The following XDH variants were observed in gnomAD, a reference collection of about 807,000 sequenced individuals.
The protein encoded by XDH is xanthine dehydrogenase/oxidase.
XDH carries 138 observed loss-of-function variants against 156.1 expected under a neutral mutation model. The ratio of observed to expected loss-of-function variants is 0.88; its 90% CI spans 0.77 to 1.02. The LOEUF is 1.02. XDH is among the 50% of genes least tolerant of loss of function. XDH has a pLI of 0.00. For synonymous variants in XDH, 669 were observed against 625.7 expected (o/e 1.07, Z -1.03); for missense variants, 1,849 against 1,684.9 (o/e 1.10, Z -1.71).
chr2:31,395,538 A>AGCCC (rs1686879635), intron 6 of XDH, among the ~76,000 whole-genome samples: 2 of 152,220 alleles, frequency 1.3e-5, no homozygotes, highest in African/African-American at 4.8e-5. Flanking sequence ...TTTTTCTCCA[A>AGCCC]CATTTACTGT....
chr2:31,384,637 G>A (rs1465259235), intron 9 of XDH, among the ~76,000 whole-genome samples: 1 of 152,110 alleles, frequency 6.6e-6, no homozygotes, highest in Non-Finnish European at 1.5e-5. Context: ...GTGTATAGAT[G>A]GAAAAGGTTA....
chr2:31,342,058 C>A, intron 32 of XDH, 125 bp downstream of exon 32: 1 of 867,488 alleles, frequency 1.2e-6, no homozygotes, highest in Admixed American at 2.0e-5. Flanking sequence ...AGGATGTTTG[C>A]CTATCCTTAA....
At chr2:31,337,296 C>T (rs1476273387) in intron 35 of XDH, among the ~76,000 whole-genome samples, 1 of 151,966 alleles carries the variant, frequency 6.6e-6, no homozygotes, top group Non-Finnish European at 1.5e-5. Context: ...AAAAAAAATG[C>T]TAGCGACTGA....
chr2:31,370,581 T>A lies in XDH; in HGVS notation c.1857-103A>T. On this transcript the variant is annotated intron_variant, in intron 17 of 35. Transcript: ENST00000379416. ...TCTTATTTTGATTGGCTTGGCTCCA[T>A]CCTAATTCCTCGATTCTCTGCTTCT... 4 of 1,438,470 alleles carry A rather than the reference T, an allele frequency of 2.8e-6. No homozygotes were observed. The South Asian group carries it at 3.7e-5, about 13-fold the overall frequency. The allele number at this position is 1,438,470 out of a possible 1,614,324, so 89.1% of individuals were successfully genotyped here.
intron 6 of XDH, chr2:31,389,591 C>T (rs1686707748): frequency 6.6e-6 from 1 of 152,216 alleles, no homozygotes; most frequent in South Asian, 2.1e-4. Context: ...CTGCATCCCA[C>T]TCACCTGGCC....
chr2:31,367,782 G>C (rs576553829), intron 20 of XDH, among the ~76,000 whole-genome samples, 179 bp downstream of exon 20: 1 of 152,266 alleles, frequency 6.6e-6, no homozygotes, highest in Non-Finnish European at 1.5e-5. Context: ...TAGAGATTAA[G>C]ATAACTGAAG....
Position 31,342,313 on chromosome 2 carries a change from G to A in XDH, c.3405-16C>T. 6.2e-7 allele frequency: 1 copy of A among 1,603,592 alleles called. No individual in the cohort carries two copies. The highest frequency in any genetic ancestry group is 8.5e-7 in the Non-Finnish European group (1 of 1,171,038). ...ATTGGGTGTTCTGGGAGAGGAAAGA[G>A]AAGGTACTGCACATGTATTAACATG... On this transcript the variant is annotated splice_polypyrimidine_tract_variant and intron_variant, in intron 31 of 35. Transcript: ENST00000379416.
Position 31,375,473 on chromosome 2 carries a change from G to C in XDH, c.1509C>G (p.Gly503=), listed in dbSNP as rs45612839. 0.011 allele frequency: 18,259 copies of C among 1,614,088 alleles called. 1,687 individuals are homozygous for C. The African/African-American group carries it at 0.21, about 18-fold the overall frequency. Reference sequence around the variant, plus strand: ...TGAGGGTGCACCGGAAGTCCACCATGCCACCAGGGGCATCGGGAGGCAGAT... The same window carrying C: ...TGAGGGTGCACCGGAAGTCCACCATCCCACCAGGGGCATCGGGAGGCAGAT... The part of the protein sequence containing the change: ...ELHLPPDAPG[G]MVDFRCTLTL... The change falls in exon 15 of 36, where the codon GGC becomes GGG. Residue 503 remains glycine, a synonymous_variant. Coordinates refer to ENST00000379416, the MANE Select transcript of XDH (RefSeq NM_000379.4).
chr2:31,398,393 G>GAGTTCT (rs1394242792), intron 5 of XDH, among the ~76,000 whole-genome samples, 180 bp downstream of exon 5: 1 of 152,178 alleles, frequency 6.6e-6, no homozygotes, highest in Admixed American at 6.5e-5. Context: ...CACCAACCAG[G>GAGTTCT]AGTTCTCCCA....
Position 31,372,270 on chromosome 2 carries a change from G to C in XDH, c.1814C>G (p.Ser605Cys). The C allele has an allele frequency of 6.2e-7, 1 of 1,614,252 alleles. No homozygotes were observed. Among genetic ancestry groups the C allele is most frequent in the Non-Finnish European group, 8.5e-7 (1 of 1,180,046 alleles). ...DDIPRYENEL[S>C]LRLVTSTRAH... Reference sequence around the variant, plus strand: ...CCGGGTGCTGGTGACCAGCCGGAGAGACAGCTCATTCTCGTAGCGAGGAAT... The same window carrying C: ...CCGGGTGCTGGTGACCAGCCGGAGACACAGCTCATTCTCGTAGCGAGGAAT... Residue 605 changes from serine (S) to cysteine (C), a missense_variant, in exon 17 of 36, where the codon TCT (serine) becomes TGT (cysteine). Transcript: ENST00000379416.
chr2:31,410,787 A>G (rs919530096), intron 1 of XDH, among the ~76,000 whole-genome samples: 44 of 152,224 alleles, frequency 2.9e-4, no homozygotes, highest in African/African-American at 9.9e-4. Flanking sequence ...ATGTCATGAA[A>G]GGAAAGCTGA....
chr2:31,398,437 G>A, intron 5 of XDH, 136 bp downstream of exon 5: 1 of 1,516,708 alleles, frequency 6.6e-7, no homozygotes, highest in Non-Finnish European at 9.0e-7. Flanking sequence ...GCAGATCTTA[G>A]TCACCACCTT....
chr2:31,381,472 G>A (rs373532079), intron 12 of XDH, among the ~76,000 whole-genome samples, 161 bp downstream of exon 12: 10 of 152,114 alleles, frequency 6.6e-5, no homozygotes, highest in Admixed American at 4.6e-4. Flanking sequence ...CAGCTTTCCC[G>A]TCCACCAAAC....
rs186934450 is a variant in XDH, at chr2:31,372,729, G to A, written c.1687-332C>T. Reference sequence around the variant, plus strand: ...TTGAAGAACTTTAATTAGAAGGATTGTTCATGCAAGCATAAAAACGTGACG... The same window carrying A: ...TTGAAGAACTTTAATTAGAAGGATTATTCATGCAAGCATAAAAACGTGACG... On this transcript the variant is annotated intron_variant, in intron 16 of 35. Transcript: ENST00000379416. Among the ~76,000 whole-genome samples the A allele has an allele frequency of 1.3e-3, 195 of 152,272 alleles. 1 individual carries two copies. Among genetic ancestry groups the A allele is most frequent in the Non-Finnish European group, 3.1e-4 (21 of 68,020 alleles).
In XDH at chr2:31,348,917, T is replaced by G. The variant is rs759232074; in HGVS notation, c.3033A>C (p.Thr1011=). The G allele has an allele frequency of 1.2e-6, 2 of 1,613,408 alleles. No homozygotes were observed. The highest frequency in any genetic ancestry group is 3.3e-5 in the Admixed American group (2 of 60,032). ...CAATTACCTGATTCAGAAAAGGAAC[T>G]GTAAAGCTTATTCCAAACTTGGTGG... ...IIPTKFGISF[T]VPFLNQAGAL... Residue 1011 remains threonine (T), a synonymous_variant, in exon 27 of 36, where the codon ACA becomes ACC. Coordinates refer to ENST00000379416, the MANE Select transcript of XDH (RefSeq NM_000379.4).
chr2:31,338,582 C>G (rs1044061209), intron 34 of XDH, among the ~76,000 whole-genome samples: 1 of 152,130 alleles, frequency 6.6e-6, no homozygotes, highest in African/African-American at 2.4e-5. Flanking sequence ...CTTTGGTTAC[C>G]AAGGATTAGT....
chr2:31,358,603 T>TA (rs571810864), intron 24 of XDH, among the ~76,000 whole-genome samples: 1 of 152,072 alleles, frequency 6.6e-6, no homozygotes, highest in South Asian at 2.1e-4. Context: ...GTTCAGTGTT[T>TA]AAAAAAATCA....
intron 3 of XDH, among the ~76,000 whole-genome samples, chr2:31,402,816 T>C (rs1355078677): frequency 6.6e-6 from 1 of 152,190 alleles, no homozygotes; most frequent in Non-Finnish European, 1.5e-5. Flanking sequence ...GATATAAATG[T>C]GGATTTTAGA....
chr2:31,373,093 A>G (rs1278092732), intron 16 of XDH, among the ~76,000 whole-genome samples: 1 of 152,228 alleles, frequency 6.6e-6, no homozygotes, highest in Non-Finnish European at 1.5e-5. Flanking sequence ...AACACATTTA[A>G]TCCTCAAAAC....
Sources: allele counts gnomAD v4.1 joint callset (sites outside exome capture counted in the v4.1 genomes callset), GRCh38; gene constraint gnomAD v4.1.1; transcripts MANE v1.5; gene names NCBI Gene and HGNC (gene_info 2026-07-23, HGNC 2026-07-21).